The following GTPBP10 variants were observed in gnomAD, a reference collection of about 807,000 sequenced individuals.
GTPBP10 encodes the protein GTP binding protein 10, also known as GTP-binding protein 10.
Under a neutral mutation model 44.8 loss-of-function variants are expected in GTPBP10, and 38 were observed. The observed-to-expected ratio is 0.85, with a 90% confidence interval of 0.65 to 1.11. The LOEUF (loss-of-function observed/expected upper bound fraction) is 1.11. Among genes scored for constraint, GTPBP10 ranks in the 50% most tolerant of loss-of-function variants. GTPBP10 has a pLI of 0.00. For missense variants in GTPBP10, 462 were observed against 453.7 expected (o/e 1.02, Z -0.17); for synonymous variants, 152 against 150.6 (o/e 1.01, Z -0.07).
chr7:90,375,408 A>G (rs1259208343), intron 6 of GTPBP10, among the ~76,000 whole-genome samples: 2 of 152,144 alleles, frequency 1.3e-5, no homozygotes, highest in Non-Finnish European at 2.9e-5. Context: ...GAATGCAACA[A>G]TGTAAAGTAT....
rs750565037 is a variant in GTPBP10, at chr7:90,352,928, C to G, written c.146C>G (p.Ala49Gly). 6.2e-7 allele frequency: 1 copy of G among 1,613,650 alleles called. No individual in the cohort carries two copies. The highest frequency in any genetic ancestry group is 8.5e-7 in the Non-Finnish European group (1 of 1,179,816). Reference sequence around the variant, plus strand: ...AAAGGTGGTGATGTCTGGGTTGTAGCCCAGAACAGAATGACTTTAAAACAA... The same window carrying G: ...AAAGGTGGTGATGTCTGGGTTGTAGGCCAGAACAGAATGACTTTAAAACAA... ...GGKGGDVWVVAQNRMTLKQLK... is the reference protein window; with the variant it reads ...GGKGGDVWVVGQNRMTLKQLK... Residue 49 changes from alanine (A) to glycine (G), a missense_variant, in exon 2 of 10, where the codon GCC becomes GGC. Physicochemically the swap from Ala to Gly is moderately conservative, Grantham distance 60. Transcript: ENST00000222511.
chr7:90,387,509 G>C lies in GTPBP10; in HGVS notation c.*2355G>C, dbSNP rs1371489805. The C allele has an allele frequency of 6.6e-6, 1 of 151,900 alleles. No homozygotes were observed. Among genetic ancestry groups the C allele is most frequent in the Admixed American group, 6.6e-5 (1 of 15,248 alleles). 9.4% of individuals were successfully genotyped at this position (151,900 alleles called of 1,614,324 possible). A position where few individuals can be genotyped will look rare whatever the true frequency, so the allele number is the denominator to read the frequency against. On this transcript the variant is annotated 3_prime_UTR_variant, in exon 10 of 10. Transcript: ENST00000222511. ...CTCAGCTTAAATTTTTTTCTGATTT[G>C]ACAACATGAGTGATGTTTTCCCAGT...
At position 90,369,501 on chromosome 7, in the gene GTPBP10, G is replaced by A. The variant is rs892627886; in HGVS notation, c.465-2654G>A. Among the ~76,000 whole-genome samples, 7 of 152,086 alleles carry A rather than the reference G, an allele frequency of 4.6e-5. No homozygotes were observed. In the South Asian group the frequency reaches 6.2e-4, roughly 14 times the overall value. On this transcript the variant is annotated intron_variant, in intron 4 of 9. Transcript: ENST00000222511. ...TTGTTTACACTGTCAGCACAAAACC[G>A]CCTCCTCAAGCCTCAGCAATTGCGG...
intron 6 of GTPBP10, among the ~76,000 whole-genome samples, chr7:90,375,228 A>T (rs1796323949): frequency 6.6e-6 from 1 of 152,152 alleles, no homozygotes; most frequent in Non-Finnish European, 1.5e-5. Flanking sequence ...TTCCAGGGTT[A>T]GGGAGGAAGG....
chr7:90,372,716 G>A (rs1402107414), intron 5 of GTPBP10, among the ~76,000 whole-genome samples: 1 of 151,934 alleles, frequency 6.6e-6, no homozygotes, highest in African/African-American at 2.4e-5. Flanking sequence ...TCACAGAATC[G>A]TTTATTTGGT....
intron 4 of GTPBP10, among the ~76,000 whole-genome samples, chr7:90,362,093 A>G (rs1796034265): frequency 1.6e-5 from 1 of 63,924 alleles, no homozygotes; most frequent in Non-Finnish European, 3.4e-5. Flanking sequence ...TCCTGGATTC[A>G]TTGATTTTTT....
At chr7:90,356,865 T>G (rs1372058127) in intron 4 of GTPBP10, among the ~76,000 whole-genome samples, 1 of 152,214 alleles carries the variant, frequency 6.6e-6, no homozygotes. Flanking sequence ...AAACTGCATA[T>G]AATGAAATAC....
intron 8 of GTPBP10, among the ~76,000 whole-genome samples, chr7:90,379,746 A>G (rs909732801): frequency 1.2e-4 from 18 of 152,196 alleles, no homozygotes; most frequent in African/African-American, 4.1e-4. Context: ...CTGCCAAACT[A>G]TTCTGAATTG....
chr7:90,368,845 G>A (rs1357366503), intron 4 of GTPBP10, among the ~76,000 whole-genome samples: 2 of 152,220 alleles, frequency 1.3e-5, no homozygotes, highest in Non-Finnish European at 2.9e-5. Flanking sequence ...CTGGCGAGGA[G>A]CTGCAGTCCT....
At position 90,355,099 on chromosome 7, in the gene GTPBP10, A is replaced by G. The variant is rs1015831246; in HGVS notation, c.333A>G (p.Lys111=). 6.3e-7 allele frequency: 1 copy of G among 1,585,458 alleles called. No homozygotes were observed. Among genetic ancestry groups the G allele is most frequent in the African/African-American group, 1.3e-5 (1 of 74,270 alleles). The change falls in exon 4 of 10, where the codon AAA becomes AAG. Residue 111 remains lysine (K), a synonymous_variant. Coordinates refer to ENST00000222511, the MANE Select transcript of GTPBP10 (RefSeq NM_033107.4). ...CCTCTTTTTAAGGAGAACTCAATAA[A>G]GAAAATGACAGAATTTTGGTAGCTC... is the stretch of plus-strand genomic sequence containing the variant. ...ENGKIIGELN[K]ENDRILVAQG... is the part of the protein sequence containing the mutation.
rs187201412 is a variant in GTPBP10 at position 90,370,929 on chromosome 7, C to G, written c.465-1226C>G. Reference sequence around the variant, plus strand: ...GGCTGAGGCAGGAGAATGGCGTGAACCGGGAGGTGGAGCTTGCAGTGAGCC... The same window carrying G: ...GGCTGAGGCAGGAGAATGGCGTGAAGCGGGAGGTGGAGCTTGCAGTGAGCC... On this transcript the variant is annotated intron_variant, in intron 4 of 9. Transcript: ENST00000222511. Among the ~76,000 whole-genome samples, 1,260 of 151,744 alleles carry G rather than the reference C, an allele frequency of 8.3e-3. 16 individuals are homozygous for G. Among genetic ancestry groups the G allele is most frequent in the African/African-American group, 0.029 (1,184 of 41,364 alleles).
At chr7:90,378,067 A>G (rs1796372585) in intron 7 of GTPBP10, 67 bp from the exon 8 acceptor site, 1 of 1,502,592 alleles carries the variant, frequency 6.7e-7, no homozygotes, top group Non-Finnish European at 9.0e-7. Context: ...AAAACATTTT[A>G]AAACATAGAA....
intron 8 of GTPBP10, among the ~76,000 whole-genome samples, chr7:90,381,858 T>G (rs182369712): frequency 1.4e-3 from 213 of 152,244 alleles, no homozygotes; most frequent in Middle Eastern, 3.4e-3. Flanking sequence ...AAACTGAATA[T>G]CCACATGCAG....
At chr7:90,367,755 T>C (rs888122720) in intron 4 of GTPBP10, among the ~76,000 whole-genome samples, 2 of 152,238 alleles carry the variant, frequency 1.3e-5, no homozygotes, top group Admixed American at 6.5e-5. Flanking sequence ...CTGTGTCTTT[T>C]AATTGGGGCA....
chr7:90,384,248 G>A (rs1478835248), intron 9 of GTPBP10, among the ~76,000 whole-genome samples: 3 of 152,270 alleles, frequency 2.0e-5, no homozygotes, highest in Admixed American at 2.0e-4. Flanking sequence ...ATCTGTTTCA[G>A]TCCAGCCTTT....
At chr7:90,349,965 A>G (rs1307839405) in intron 1 of GTPBP10, among the ~76,000 whole-genome samples, 1 of 151,792 alleles carries the variant, frequency 6.6e-6, no homozygotes, top group Non-Finnish European at 1.5e-5. Context: ...GTACATGTAC[A>G]CAGCGTGCAG....
At chr7:90,369,062 G>T (rs1209502583) in intron 4 of GTPBP10, among the ~76,000 whole-genome samples, 4 of 152,210 alleles carry the variant, frequency 2.6e-5, no homozygotes. Context: ...TTCGCTGCAG[G>T]TCTTTTGGAG....
chr7:90,384,946 A>G lies in GTPBP10; in HGVS notation c.956A>G (p.Gln319Arg). ...ATTCCAGAGAGGACTGTAGAGTTCCAACATATCATCCCCATATCTGCAGTT... is the reference window on the plus strand; with the variant it reads ...ATTCCAGAGAGGACTGTAGAGTTCCGACATATCATCCCCATATCTGCAGTT... ...NMIPERTVEF[Q>R]HIIPISAVTG... is the part of the protein sequence containing the mutation. The change falls in exon 10 of 10, where the codon CAA (glutamine) becomes CGA (arginine). Residue 319 changes from glutamine to arginine, a missense_variant. Coordinates refer to ENST00000222511, the MANE Select transcript of GTPBP10 (RefSeq NM_033107.4). 6.2e-7 allele frequency: 1 copy of G among 1,612,602 alleles called. No homozygotes were observed. Among genetic ancestry groups the G allele is most frequent in the South Asian group, 1.1e-5 (1 of 91,034 alleles).
At position 90,368,373 on chromosome 7, in the gene GTPBP10, T is replaced by G. The variant is rs551929114; in HGVS notation, c.465-3782T>G. On this transcript the variant is annotated intron_variant, in intron 4 of 9. Transcript: ENST00000222511. ...TTCTCCTCAATAATATCCTGAAGAG[T>G]GTTTTCTAACTTGGATCCATTCTCC... is the stretch of plus-strand genomic sequence containing the variant. Among the ~76,000 whole-genome samples the G allele has an allele frequency of 2.0e-4, 31 of 152,236 alleles. No individual in the cohort carries two copies. The South Asian group carries it at 6.4e-3, about 32-fold the overall frequency.
Sources: gnomAD v4.1 joint callset for allele counts (sites outside exome capture counted in the v4.1 genomes callset) on GRCh38, gnomAD v4.1.1 for gene constraint, MANE v1.5 for transcripts, NCBI Gene and HGNC (gene_info 2026-07-23, HGNC 2026-07-21) for gene names.